The following EML1 variants were observed in gnomAD, a reference collection of about 807,000 sequenced individuals.
EML1 encodes the protein echinoderm microtubule-associated protein-like 1.
A neutral mutation model predicts 110.4 loss-of-function variants in EML1; 27 were observed. The ratio of observed to expected loss-of-function variants is 0.24; its 90% CI spans 0.18 to 0.34. EML1 has a LOEUF of 0.34. Ranked by LOEUF, EML1 falls within the 10% of genes least tolerant of loss-of-function variation. The pLI is 1.00. For synonymous variants in EML1, 344 were observed against 385.8 expected (o/e 0.89, Z 1.27); for missense variants, 741 against 1,030.9 (o/e 0.72, Z 3.85).
intron 1 of EML1, among the ~76,000 whole-genome samples, chr14:99,753,061 A>G (rs8021555): frequency 0.97 from 147,786 of 152,010 alleles, 71,967 homozygotes; most frequent in East Asian, 1. Context: ...CCCTCAGGAT[A>G]GCCATAAGAG....
chr14:99,744,877 G>A (rs552153051), intron 1 of EML1, among the ~76,000 whole-genome samples: 48 of 152,214 alleles, frequency 3.2e-4, no homozygotes, highest in African/African-American at 1.0e-3. Flanking sequence ...TGTGGAATCC[G>A]TTTATTCAGT....
At chr14:99,867,030 A>G (rs2059114497) in intron 3 of EML1, among the ~76,000 whole-genome samples, 1 of 152,182 alleles carries the variant, frequency 6.6e-6, no homozygotes. Context: ...CCTGTTACCC[A>G]GATAGTGAAG....
chr14:99,771,009 C>G (rs2057422518), upstream of EML1, among the ~76,000 whole-genome samples: 1 of 151,990 alleles, frequency 6.6e-6, no homozygotes, highest in African/African-American at 2.4e-5. Context: ...TGGTCTTGAT[C>G]TCCTGACCTC....
chr14:99,851,701 C>CT (rs1433516878), intron 2 of EML1, among the ~76,000 whole-genome samples: 2 of 151,926 alleles, frequency 1.3e-5, no homozygotes, highest in Non-Finnish European at 1.5e-5. Context: ...TTCTACCTAG[C>CT]TTTTTTTTGA....
At position 99,781,660 on chromosome 14, in the gene EML1, T is replaced by A. The variant is rs534953706; in HGVS notation, c.-27+7647T>A. Among the ~76,000 whole-genome samples the A allele has an allele frequency of 6.6e-6, 1 of 152,262 alleles. No homozygotes were observed. The highest frequency in any genetic ancestry group is 2.4e-5 in the African/African-American group (1 of 41,546). ...CCTAATTCTGTGGCTTCCAAGGGGC[T>A]CCCATTGCCCATAGACTAAGCCCAG... On this transcript the variant is annotated intron_variant, in intron 1 of 22. Transcript: ENST00000327921. The surrounding 1 kb of genome is among the most constrained non-coding windows in gnomAD (Gnocchi z 4.2).
chr14:99,845,862 C>T (rs1280939467), intron 1 of EML1, among the ~76,000 whole-genome samples: 1 of 151,936 alleles, frequency 6.6e-6, no homozygotes, highest in Admixed American at 6.6e-5. Flanking sequence ...ACCAGCCTGG[C>T]CAATGTGGTG....
At chr14:99,831,699 T>C (rs1316060182) in intron 1 of EML1, among the ~76,000 whole-genome samples, 1 of 152,202 alleles carries the variant, frequency 6.6e-6, no homozygotes, top group Non-Finnish European at 1.5e-5. Context: ...CATCTTTTTT[T>C]TCTTTGTCCA....
chr14:99,824,047 C>T (rs530624053), intron 1 of EML1, among the ~76,000 whole-genome samples: 2 of 152,246 alleles, frequency 1.3e-5, no homozygotes, highest in African/African-American at 4.8e-5. Context: ...ACCTCTGCCT[C>T]CCGGATTGAA....
intron 1 of EML1, among the ~76,000 whole-genome samples, chr14:99,746,700 C>T (rs1308809442): frequency 6.6e-6 from 1 of 152,058 alleles, no homozygotes; most frequent in East Asian, 1.9e-4. Flanking sequence ...CGCCCTGGGC[C>T]CCCTCCACGC....
upstream of EML1, among the ~76,000 whole-genome samples, chr14:99,790,865 C>CTTTTTTTTTTTTTTTT (rs763959981): frequency 1.9e-3 from 262 of 138,456 alleles, 8 homozygotes; most frequent in African/African-American, 3.4e-3. Context: ...TTTTTCTTTT[C>CTTTTTTTTTTTTTTTT]CTTTTTTTTT....
chr14:99,806,695 T>C (rs544167430), intron 1 of EML1, among the ~76,000 whole-genome samples: 4 of 152,214 alleles, frequency 2.6e-5, no homozygotes, highest in Non-Finnish European at 5.9e-5. Flanking sequence ...AGAAGGGTAG[T>C]GCCAAGTATG....
chr14:99,801,769 A>G (rs1186288971), intron 1 of EML1, among the ~76,000 whole-genome samples: 3 of 151,948 alleles, frequency 2.0e-5, no homozygotes, highest in Non-Finnish European at 4.4e-5. Context: ...CATCTAGGCT[A>G]GGGTTGGGTT....
intron 1 of EML1, among the ~76,000 whole-genome samples, chr14:99,821,731 T>C (rs1211308351): frequency 6.6e-6 from 1 of 152,230 alleles, no homozygotes; most frequent in Admixed American, 6.5e-5. Context: ...CCGGCCCTTT[T>C]GACTCTAGAG....
chr14:99,891,989 T>A, intron 5 of EML1: 1 of 210,904 alleles, frequency 4.7e-6, no homozygotes, highest in Non-Finnish European at 8.2e-6. Flanking sequence ...AGGGCCACAT[T>A]GTGAGCGCAC....
upstream of EML1, among the ~76,000 whole-genome samples, chr14:99,770,006 CTT>C (rs1239746024): frequency 6.6e-6 from 1 of 152,222 alleles, no homozygotes; most frequent in Non-Finnish European, 1.5e-5. Context: ...GTTCCCGCCT[CTT>C]TACTTTGCTC....
intron 2 of EML1, among the ~76,000 whole-genome samples, chr14:99,859,153 G>A (rs550613640): frequency 3.7e-4 from 56 of 152,300 alleles, no homozygotes; most frequent in African/African-American, 1.3e-3. Context: ...CATTTAGAAT[G>A]ATGAAAAAAA....
rs2060388355 is a variant in EML1, at chr14:99,932,470, C to G, written c.1910-3559C>G. 2.0e-5 allele frequency among the ~76,000 whole-genome samples: 3 copies of G among 151,860 alleles called. No homozygotes were observed. The South Asian group carries it at 6.2e-4, about 32-fold the overall frequency. On this transcript the variant is annotated intron_variant, in intron 17 of 21. Transcript: ENST00000262233. ...CTAGCCTACATGGTGAAACCCATCT[C>G]TACTAAAAATACGAAATAATTAGCC...
At chr14:99,843,669 C>T (rs959346400) in intron 1 of EML1, among the ~76,000 whole-genome samples, 51 of 152,282 alleles carry the variant, frequency 3.3e-4, no homozygotes, top group African/African-American at 1.2e-3. Context: ...CTCCATAGTC[C>T]GTGCTCTTAA....
chr14:99,893,459 T>C (rs1364155384), intron 5 of EML1, among the ~76,000 whole-genome samples: 1 of 152,184 alleles, frequency 6.6e-6, no homozygotes, highest in Non-Finnish European at 1.5e-5. Flanking sequence ...TGACTCTCAC[T>C]CAACGTCAGC....
Sources: gnomAD v4.1 joint callset for allele counts (sites outside exome capture counted in the v4.1 genomes callset) on GRCh38, gnomAD v4.1.1 for gene constraint, Gnocchi (gnomAD v3.1) non-coding constraint, MANE v1.5 for transcripts, NCBI Gene and HGNC (gene_info 2026-07-23, HGNC 2026-07-21) for gene names.